RPRD2: variants seen among roughly 807,000 people sequenced by gnomAD.
RPRD2 encodes regulation of nuclear pre-mRNA domain-containing protein 2.
Under a neutral mutation model 104.4 loss-of-function variants are expected in RPRD2, and 12 were observed. The ratio of observed to expected loss-of-function variants is 0.11; its 90% CI spans 0.07 to 0.19. The LOEUF is 0.19. Among genes scored for constraint, RPRD2 ranks in the 10% least tolerant of loss-of-function variants. The probability of loss-of-function intolerance (pLI) is 1.00; values close to 1 mark genes in which losing one functional copy is unlikely to be tolerated. For missense variants in RPRD2, 1,543 were observed against 1,790.1 expected (o/e 0.86, Z 2.49); for synonymous variants, 714 against 684.9 (o/e 1.04, Z -0.66).
intron 10 of RPRD2, among the ~76,000 whole-genome samples, chr1:150,466,107 G>A (rs1467548955): frequency 4.2e-5 from 6 of 144,462 alleles, no homozygotes; most frequent in Admixed American, 6.9e-5. Context: ...CGCCGGGCGC[G>A]GTGGCTCACG....
intron 1 of RPRD2, among the ~76,000 whole-genome samples, chr1:150,370,903 A>G (rs963460039): frequency 3.3e-5 from 5 of 152,142 alleles, no homozygotes; most frequent in Non-Finnish European, 4.4e-5. Flanking sequence ...AACTTTATGT[A>G]TAAAAATAGA....
At chr1:150,398,412 G>A (rs1374949823) in intron 1 of RPRD2, among the ~76,000 whole-genome samples, 3 of 151,998 alleles carry the variant, frequency 2.0e-5, no homozygotes, top group African/African-American at 7.2e-5. Context: ...TAGCCAGGAT[G>A]GTCTCGATCT....
intron 2 of RPRD2, among the ~76,000 whole-genome samples, chr1:150,433,898 A>G (rs1665820105): frequency 1.3e-5 from 2 of 149,858 alleles, no homozygotes; most frequent in South Asian, 4.1e-4. Context: ...GTGTATATGT[A>G]CATATGTATG....
intron 2 of RPRD2, among the ~76,000 whole-genome samples, chr1:150,438,989 C>T (rs201130416): frequency 5.3e-5 from 8 of 152,042 alleles, no homozygotes; most frequent in East Asian, 1.9e-4. Flanking sequence ...CATGTGCCAC[C>T]GCACCCAGCT....
chr1:150,399,038 G>A (rs1405912315), intron 1 of RPRD2, among the ~76,000 whole-genome samples: 1 of 151,768 alleles, frequency 6.6e-6, no homozygotes. Context: ...GGTCCCACTT[G>A]GTTACCCAGG....
At chr1:150,453,123 C>T (rs1667310795) in intron 7 of RPRD2, among the ~76,000 whole-genome samples, 1 of 151,764 alleles carries the variant, frequency 6.6e-6, no homozygotes, top group African/African-American at 2.4e-5. Context: ...ACCTCTGTCT[C>T]CCGGGTTCAA....
At chr1:150,413,722 T>C (rs1664111706) in intron 1 of RPRD2, among the ~76,000 whole-genome samples, 1 of 151,716 alleles carries the variant, frequency 6.6e-6, no homozygotes, top group Non-Finnish European at 1.5e-5. Context: ...GGACAGGAGC[T>C]CAAGACCAGC....
intron 1 of RPRD2, among the ~76,000 whole-genome samples, chr1:150,369,693 A>G (rs1231927823): frequency 2.1e-5 from 3 of 140,664 alleles, no homozygotes; most frequent in Non-Finnish European, 3.0e-5. Flanking sequence ...TCCTGACCTC[A>G]TGATCCGCCC....
intron 2 of RPRD2, among the ~76,000 whole-genome samples, chr1:150,430,632 G>A (rs587685662): frequency 1.4e-4 from 22 of 152,230 alleles, no homozygotes; most frequent in Admixed American, 8.5e-4. Context: ...GAGTTCTTTA[G>A]AAGATAACAC....
At chr1:150,432,196 A>G (rs1040824263) in intron 2 of RPRD2, among the ~76,000 whole-genome samples, 9 of 151,796 alleles carry the variant, frequency 5.9e-5, no homozygotes, top group Admixed American at 2.0e-4. Context: ...AAAAAAAGAA[A>G]GAAAAGTCTG....
chr1:150,374,606 T>C (rs906526577), intron 1 of RPRD2, among the ~76,000 whole-genome samples: 9 of 152,146 alleles, frequency 5.9e-5, no homozygotes, highest in Non-Finnish European at 7.4e-5. Context: ...CAGAATTGAA[T>C]TGGAGGGCAC....
At chr1:150,433,679 C>T (rs934091512) in intron 2 of RPRD2, among the ~76,000 whole-genome samples, 2 of 146,860 alleles carry the variant, frequency 1.4e-5, no homozygotes, top group African/African-American at 2.5e-5. Context: ...CTGCAGACCT[C>T]GTGATCCGCC....
intron 1 of RPRD2, among the ~76,000 whole-genome samples, chr1:150,410,076 TAAC>T (rs1487973552): frequency 6.6e-6 from 1 of 152,166 alleles, no homozygotes; most frequent in African/African-American, 2.4e-5. Context: ...ACAGTGAGCT[TAAC>T]AGACCGTGAA....
In RPRD2 at chr1:150,471,482, C is replaced by G. The variant is rs1483296703; in HGVS notation, c.2534C>G (p.Ala845Gly). The change falls in exon 11 of 11, where the codon GCC becomes GGC. Residue 845 changes from alanine (A) to glycine (G), a missense_variant. Transcript: ENST00000369068. This position sits in a 1 kb window ranked among gnomAD's most constrained non-coding sequence, Gnocchi z 5.3. ...GAGTATTCAGGGCCTCCACCCTCTG[C>G]CATGATGAACCTAGAGAAGAAACCA... ...DFEYSGPPPSAMMNLEKKPAK... is the reference protein window; with the variant it reads ...DFEYSGPPPSGMMNLEKKPAK... 6.2e-7 allele frequency: 1 copy of G among 1,613,912 alleles called. No homozygotes were observed. The highest frequency in any genetic ancestry group is 1.1e-5 in the South Asian group (1 of 91,078).
intron 1 of RPRD2, among the ~76,000 whole-genome samples, chr1:150,377,577 G>T (rs1042062554): frequency 3.5e-5 from 5 of 144,238 alleles, no homozygotes; most frequent in African/African-American, 1.3e-4. Flanking sequence ...TAGCCTGGGC[G>T]ACAGAGCAAG....
chr1:150,383,473 C>T (rs782654440), intron 1 of RPRD2, among the ~76,000 whole-genome samples: 11 of 151,944 alleles, frequency 7.2e-5, no homozygotes, highest in Non-Finnish European at 1.0e-4. Flanking sequence ...CGTGCCACCA[C>T]GCCCAGCTAA....
At chr1:150,413,335 T>C (rs1248974642) in intron 1 of RPRD2, among the ~76,000 whole-genome samples, 1 of 152,206 alleles carries the variant, frequency 6.6e-6, no homozygotes, top group Non-Finnish European at 1.5e-5. Context: ...GCGCTGTGGC[T>C]CACGCCTGTA....
At chr1:150,428,483 A>G (rs1183124177) in intron 2 of RPRD2, among the ~76,000 whole-genome samples, 1 of 146,476 alleles carries the variant, frequency 6.8e-6, no homozygotes, top group East Asian at 2.0e-4. Flanking sequence ...AAAAAAATCT[A>G]TCCTCATTCA....
intron 2 of RPRD2, among the ~76,000 whole-genome samples, chr1:150,425,206 A>G (rs1027746493): frequency 6.6e-6 from 1 of 152,260 alleles, no homozygotes; most frequent in Non-Finnish European, 1.5e-5. Flanking sequence ...AGTAACTGAC[A>G]TTTAATAAAC....
Sources: gnomAD v4.1 joint callset for allele counts (sites outside exome capture counted in the v4.1 genomes callset) on GRCh38, gnomAD v4.1.1 for gene constraint, Gnocchi (gnomAD v3.1) non-coding constraint, MANE v1.5 for transcripts, NCBI Gene and HGNC (gene_info 2026-07-23, HGNC 2026-07-21) for gene names.